The following MOSMO variants were observed in gnomAD, a reference collection of about 807,000 sequenced individuals.
MOSMO encodes the protein modulator of smoothened protein.
A neutral mutation model predicts 18.4 loss-of-function variants in MOSMO; 5 were observed. That is an observed-to-expected ratio of 0.27 (90% confidence interval 0.14 to 0.57). MOSMO has a LOEUF of 0.57. Ranked by LOEUF, MOSMO falls within the 20% of genes least tolerant of loss-of-function variation. The probability of loss-of-function intolerance (pLI) is 0.92; values close to 1 mark genes in which losing one functional copy is unlikely to be tolerated. For synonymous variants in MOSMO, 82 were observed against 82.3 expected, an observed-to-expected ratio of 1.00 and a Z score of 0.02; for missense variants, 138 against 211.8, an observed-to-expected ratio of 0.65 and a Z score of 2.16.
chr16:22,036,983 C>T (rs1468084470), intron 1 of MOSMO, among the ~76,000 whole-genome samples: 1 of 152,100 alleles, frequency 6.6e-6, no homozygotes, highest in African/African-American at 2.4e-5. Flanking sequence ...CAGCCTATGA[C>T]TGATTTTGGA....
chr16:22,022,358 T>A (rs1035205866), intron 1 of MOSMO, among the ~76,000 whole-genome samples: 1 of 152,128 alleles, frequency 6.6e-6, no homozygotes, highest in African/African-American at 2.4e-5. Flanking sequence ...ATTCTAACCA[T>A]GCCCCTGATA....
At chr16:22,023,329 A>T (rs887278534) in intron 1 of MOSMO, among the ~76,000 whole-genome samples, 2 of 152,178 alleles carry the variant, frequency 1.3e-5, no homozygotes, top group African/African-American at 2.4e-5. Context: ...GGTTCTTACC[A>T]TTCAGTAGGT....
chr16:22,058,202 T>C (rs935509334), intron 1 of MOSMO, among the ~76,000 whole-genome samples: 1 of 151,792 alleles, frequency 6.6e-6, no homozygotes, highest in Non-Finnish European at 1.5e-5. Flanking sequence ...CCAAGGCGGG[T>C]AGATCACAAG....
downstream of MOSMO, among the ~76,000 whole-genome samples, chr16:22,088,119 G>A (rs150028558): frequency 6.6e-6 from 1 of 152,038 alleles, no homozygotes; most frequent in Middle Eastern, 3.4e-3. Context: ...AAATTCCTGG[G>A]CTCAAGCGAT....
At chr16:22,059,837 G>C (rs564238621) in intron 1 of MOSMO, among the ~76,000 whole-genome samples, 1 of 152,188 alleles carries the variant, frequency 6.6e-6, no homozygotes, top group East Asian at 1.9e-4. Context: ...ATATCAATGG[G>C]GTTTTCCCCC....
At chr16:22,042,094 G>T (rs900773800) in intron 1 of MOSMO, among the ~76,000 whole-genome samples, 2 of 152,164 alleles carry the variant, frequency 1.3e-5, no homozygotes, top group African/African-American at 4.8e-5. Context: ...AATAAGGTTT[G>T]CTTCATTTGT....
intron 1 of MOSMO, among the ~76,000 whole-genome samples, chr16:22,056,365 CTTTTTTTTTTTTT>C (rs35642716): frequency 1.8e-4 from 10 of 54,614 alleles, no homozygotes; most frequent in Non-Finnish European, 2.8e-4. Flanking sequence ...TTCTTTCTTT[CTTTTTTTTTTTTT>C]TTTTTTTTTT....
chr16:22,079,065 ATTAC>A (rs1475786169), intron 2 of MOSMO, among the ~76,000 whole-genome samples: 3 of 152,202 alleles, frequency 2.0e-5, no homozygotes, highest in Non-Finnish European at 2.9e-5. Flanking sequence ...AAGCTGATGT[ATTAC>A]TTAAGCAAAT....
intron 1 of MOSMO, among the ~76,000 whole-genome samples, chr16:22,036,455 G>A (rs1041106089): frequency 1.3e-5 from 2 of 152,030 alleles, no homozygotes; most frequent in Non-Finnish European, 2.9e-5. Context: ...TTGGTTTTTA[G>A]GGTTTTTTTA....
downstream of MOSMO, among the ~76,000 whole-genome samples, chr16:22,089,457 C>T (rs1317898994): frequency 6.6e-6 from 1 of 152,134 alleles, no homozygotes; most frequent in Admixed American, 6.5e-5. Context: ...TTCCAGCACC[C>T]AGGGAAATTT....
downstream of MOSMO, chr16:22,085,538 T>G (rs1406192593): frequency 1.3e-5 from 2 of 152,170 alleles, no homozygotes; most frequent in African/African-American, 4.8e-5. Flanking sequence ...GGGGACACTT[T>G]TTCTATTTGG....
At chr16:22,018,525 T>C (rs565427895) in intron 1 of MOSMO, among the ~76,000 whole-genome samples, 1 of 152,344 alleles carries the variant, frequency 6.6e-6, no homozygotes, top group South Asian at 2.1e-4. Context: ...ACTATGAATA[T>C]TTTAAAAATC....
At chr16:22,068,784 C>T (rs1900794184) in intron 1 of MOSMO, among the ~76,000 whole-genome samples, 1 of 151,992 alleles carries the variant, frequency 6.6e-6, no homozygotes, top group African/African-American at 2.4e-5. Flanking sequence ...ATTTGTATTG[C>T]TTCTACTTTT....
chr16:22,031,083 G>C (rs1239136583), intron 1 of MOSMO, among the ~76,000 whole-genome samples: 1 of 152,170 alleles, frequency 6.6e-6, no homozygotes, highest in African/African-American at 2.4e-5. Context: ...TCTAACTCAG[G>C]CATGGAAGGT....
intron 1 of MOSMO, among the ~76,000 whole-genome samples, chr16:22,063,066 C>T: frequency 6.6e-6 from 1 of 152,138 alleles, no homozygotes; most frequent in African/African-American, 2.4e-5. Flanking sequence ...GTTGGCCAGG[C>T]TGGTCTCGAA....
At chr16:22,023,060 G>A (rs1326610439) in intron 1 of MOSMO, among the ~76,000 whole-genome samples, 1 of 152,096 alleles carries the variant, frequency 6.6e-6, no homozygotes. Flanking sequence ...ATGATGAAAC[G>A]TAAAATGTGA....
intron 1 of MOSMO, among the ~76,000 whole-genome samples, chr16:22,009,804 C>CAAAAAAAAAAAA (rs56313303): frequency 4.4e-3 from 158 of 35,960 alleles, no homozygotes; most frequent in Middle Eastern, 0.038. Context: ...ACTAAAAATA[C>CAAAAAAAAAAAA]AAAAAAAAAA....
chr16:22,047,322 G>T (rs1900331531), intron 1 of MOSMO, among the ~76,000 whole-genome samples: 1 of 143,672 alleles, frequency 7.0e-6, no homozygotes, highest in Non-Finnish European at 1.5e-5. Flanking sequence ...TCGGCTCACT[G>T]CAAGCTCCGC....
chr16:22,016,184 C>G (rs976299013), intron 1 of MOSMO, among the ~76,000 whole-genome samples: 2 of 152,034 alleles, frequency 1.3e-5, no homozygotes, highest in Admixed American at 1.3e-4. Flanking sequence ...TTCTTGGATT[C>G]CTTTTTTATT....
Sources: gnomAD v4.1 joint callset for allele counts (sites outside exome capture counted in the v4.1 genomes callset) on GRCh38, gnomAD v4.1.1 for gene constraint, MANE v1.5 for transcripts, NCBI Gene and HGNC (gene_info 2026-07-23, HGNC 2026-07-21) for gene names.